MCF2L2: variants seen among roughly 807,000 people sequenced by gnomAD.
MCF2L2 encodes the protein probable guanine nucleotide exchange factor MCF2L2.
In MCF2L2, 102 loss-of-function variants were observed where a neutral mutation model predicts 150.2. The ratio of observed to expected loss-of-function variants is 0.68; its 90% CI spans 0.58 to 0.80. MCF2L2 has a LOEUF of 0.80. Ranked by LOEUF, MCF2L2 falls within the 30% of genes least tolerant of loss-of-function variation. The probability of loss-of-function intolerance (pLI) is 0.00; values close to 1 mark genes in which losing one functional copy is unlikely to be tolerated. For missense variants in MCF2L2, 1,256 were observed against 1,372.8 expected (o/e 0.91, Z 1.34); for synonymous variants, 465 against 491.3 (o/e 0.95, Z 0.71).
intron 15 of MCF2L2, among the ~76,000 whole-genome samples, chr3:183,261,642 G>A (rs75877996): frequency 0.039 from 5,962 of 152,110 alleles, 146 homozygotes; most frequent in Middle Eastern, 0.061. Flanking sequence ...TTTAAATGAA[G>A]AAAATTATCA....
At chr3:183,226,534 T>G (rs1483510910) in intron 18 of MCF2L2, 1 of 152,254 alleles carries the variant, frequency 6.6e-6, no homozygotes, top group Non-Finnish European at 1.5e-5. Flanking sequence ...GTTAATGATT[T>G]ACAATGTTCC....
chr3:183,364,922 T>C (rs974098926), intron 3 of MCF2L2, among the ~76,000 whole-genome samples: 3 of 152,238 alleles, frequency 2.0e-5, no homozygotes, highest in Non-Finnish European at 1.5e-5. Context: ...TTCTACAAAA[T>C]CAATGACCAC....
intron 15 of MCF2L2, among the ~76,000 whole-genome samples, chr3:183,264,372 G>A (rs531559235): frequency 6.6e-6 from 1 of 152,222 alleles, no homozygotes; most frequent in Non-Finnish European, 1.5e-5. Context: ...TGTGCCTGGG[G>A]TTGGTGTCAT....
chr3:183,298,033 A>T (rs547037588), intron 11 of MCF2L2: 1 of 152,346 alleles, frequency 6.6e-6, no homozygotes, highest in African/African-American at 2.4e-5. Context: ...TCATCTTTGG[A>T]TTCCCAGGTG....
chr3:183,229,427 C>A (rs1157181070), intron 17 of MCF2L2, among the ~76,000 whole-genome samples: 5 of 152,192 alleles, frequency 3.3e-5, no homozygotes, highest in African/African-American at 1.2e-4. Context: ...CAACTGCATA[C>A]AACATGGATG....
At chr3:183,407,007 G>A (rs1453728356) in intron 1 of MCF2L2, among the ~76,000 whole-genome samples, 1 of 152,126 alleles carries the variant, frequency 6.6e-6, no homozygotes, top group Non-Finnish European at 1.5e-5. Flanking sequence ...TTAGGTCCAT[G>A]ATCCACTTTG....
chr3:183,182,012 C>T (rs1346586372), intron 27 of MCF2L2, among the ~76,000 whole-genome samples: 1 of 152,204 alleles, frequency 6.6e-6, no homozygotes, highest in Non-Finnish European at 1.5e-5. Flanking sequence ...GAGCTGGCAG[C>T]TGCTTTCCCT....
intron 1 of MCF2L2, among the ~76,000 whole-genome samples, chr3:183,405,016 G>A (rs559633394): frequency 1.1e-3 from 166 of 152,128 alleles, no homozygotes; most frequent in African/African-American, 3.5e-3. Context: ...TTATAAAGCC[G>A]TTAAAATATT....
chr3:183,179,221 C>A lies in MCF2L2; in HGVS notation c.*159G>T, dbSNP rs1721421995. On this transcript the variant is annotated 3_prime_UTR_variant, in exon 30 of 30. Coordinates refer to ENST00000328913, the MANE Select transcript of MCF2L2 (RefSeq NM_015078.4). The surrounding 1 kb of genome is among the most constrained non-coding windows in gnomAD (Gnocchi z 4.2). ...GGAGCTAGGCGCGCACCCAGGACAC[C>A]CCTCGGGCTCCTCGGAGGAGGCCCT... 1 of 1,027,010 alleles carries A rather than the reference C, an allele frequency of 9.7e-7. No homozygotes were observed. The highest frequency in any genetic ancestry group is 1.3e-6 in the Non-Finnish European group (1 of 771,984). The allele number at this position is 1,027,010 out of a possible 1,614,324, so 63.6% of individuals were successfully genotyped here.
At chr3:183,356,179 A>AAC (rs1383912745) in intron 3 of MCF2L2, among the ~76,000 whole-genome samples, 3 of 151,628 alleles carry the variant, frequency 2.0e-5, no homozygotes, top group East Asian at 3.9e-4. Flanking sequence ...TAAAAAAAAA[A>AAC]AAAAAACTCT....
chr3:183,389,025 C>G (rs1713997925), intron 2 of MCF2L2, among the ~76,000 whole-genome samples: 1 of 152,112 alleles, frequency 6.6e-6, no homozygotes, highest in African/African-American at 2.4e-5. Flanking sequence ...CTAAGGATAT[C>G]TAATGTCACC....
At chr3:183,345,736 G>A (rs9868997) in intron 3 of MCF2L2, among the ~76,000 whole-genome samples, 38,852 of 151,858 alleles carry the variant, frequency 0.26, 7,160 homozygotes, top group African/African-American at 0.52. Flanking sequence ...GATAAAGGGG[G>A]TATCACCACT....
At chr3:183,204,135 G>C (rs766565690) in intron 25 of MCF2L2, among the ~76,000 whole-genome samples, 3 of 152,192 alleles carry the variant, frequency 2.0e-5, no homozygotes, top group East Asian at 3.9e-4. Context: ...TGAGTCAAAG[G>C]CTTAACTGTA....
chr3:183,245,253 GAAAC>G (rs1724197615), intron 15 of MCF2L2, among the ~76,000 whole-genome samples: 1 of 152,186 alleles, frequency 6.6e-6, no homozygotes, highest in Non-Finnish European at 1.5e-5. Flanking sequence ...GTGCCACATA[GAAAC>G]AGAAAGGAGA....
intron 3 of MCF2L2, among the ~76,000 whole-genome samples, chr3:183,344,354 G>C (rs1364649125): frequency 1.3e-5 from 2 of 152,056 alleles, no homozygotes; most frequent in African/African-American, 4.8e-5. Flanking sequence ...GGCAGGAAAG[G>C]AGAAATAAAG....
At chr3:183,339,067 AG>A in intron 4 of MCF2L2, 148 bp from the exon 5 acceptor site, 1 of 696,896 alleles carries the variant, frequency 1.4e-6, no homozygotes, top group Middle Eastern at 4.5e-4. Context: ...ACCAGATTTC[AG>A]GGCTAAAAGA....
chr3:183,182,157 G>A (rs1157258750), intron 27 of MCF2L2, among the ~76,000 whole-genome samples: 1 of 152,100 alleles, frequency 6.6e-6, no homozygotes, highest in Non-Finnish European at 1.5e-5. Flanking sequence ...CCCATTCCCT[G>A]CCTCCAGGCG....
At chr3:183,361,171 A>G (rs958876756) in intron 3 of MCF2L2, among the ~76,000 whole-genome samples, 3 of 152,106 alleles carry the variant, frequency 2.0e-5, no homozygotes, top group African/African-American at 7.2e-5. Context: ...GAAGGAAGGA[A>G]GGAAAGAAGG....
At chr3:183,342,518 G>A (rs1162785704) in intron 3 of MCF2L2, among the ~76,000 whole-genome samples, 2 of 152,080 alleles carry the variant, frequency 1.3e-5, no homozygotes, top group East Asian at 3.8e-4. Context: ...CTTTTTGGGG[G>A]TTGAGGGGTA....
Sources: allele counts gnomAD v4.1 joint callset (sites outside exome capture counted in the v4.1 genomes callset), GRCh38; gene constraint gnomAD v4.1.1; non-coding constraint Gnocchi (gnomAD v3.1); transcripts MANE v1.5; gene names NCBI Gene and HGNC (gene_info 2026-07-23, HGNC 2026-07-21).